Variants in ARID1B observed in about 807,000 individuals in gnomAD.
ARID1B encodes the protein AT-rich interactive domain-containing protein 1B.
ARID1B carries 30 observed loss-of-function variants against 212.3 expected under a neutral mutation model. The observed-to-expected ratio is 0.14, with a 90% CI of 0.11 to 0.19. The LOEUF (loss-of-function observed/expected upper bound fraction) is 0.19. Ranked by LOEUF, ARID1B falls within the 10% of genes least tolerant of loss-of-function variation. The pLI is 1.00. For synonymous variants in ARID1B, 1,402 were observed against 1,301.7 expected, an observed-to-expected ratio of 1.08 and a Z score of -1.66; for missense variants, 2,891 against 3,204.0, an observed-to-expected ratio of 0.90 and a Z score of 2.36.
intron 2 of ARID1B, among the ~76,000 whole-genome samples, chr6:156,897,035 A>G (rs1186376834): frequency 6.6e-6 from 1 of 152,196 alleles, no homozygotes; most frequent in Non-Finnish European, 1.5e-5. Context: ...GAAATGTGAA[A>G]GGTAGTACTT....
intron 13 of ARID1B, among the ~76,000 whole-genome samples, chr6:157,187,642 T>C (rs143892835): frequency 5.9e-5 from 9 of 152,196 alleles, no homozygotes; most frequent in Admixed American, 2.0e-4. Context: ...TTGTTTACTT[T>C]AGAGTATACA....
chr6:156,937,525 CAG>C (rs1446727452), intron 4 of ARID1B: 3 of 152,202 alleles, frequency 2.0e-5, no homozygotes, highest in African/African-American at 7.2e-5. Flanking sequence ...TCAGAAACTT[CAG>C]CATCACTCAC....
chr6:156,835,959 C>T (rs1280941356), intron 2 of ARID1B, among the ~76,000 whole-genome samples: 10 of 151,870 alleles, frequency 6.6e-5, no homozygotes, highest in Non-Finnish European at 1.5e-4. Context: ...AGGTTGGTCT[C>T]GAACAAGTGT....
chr6:157,008,089 T>C (rs1379327258), intron 4 of ARID1B, among the ~76,000 whole-genome samples: 4 of 152,206 alleles, frequency 2.6e-5, no homozygotes, highest in Non-Finnish European at 5.9e-5. Context: ...GATTTGTTTT[T>C]CCTTTTCTTA....
chr6:157,151,862 T>C (rs1359883130), intron 8 of ARID1B: 2 of 152,264 alleles, frequency 1.3e-5, no homozygotes, highest in South Asian at 2.1e-4. Flanking sequence ...ACAGAGCTTT[T>C]TAGTAGTTTT....
intron 4 of ARID1B, chr6:156,939,441 C>A (rs1792499091): frequency 6.6e-6 from 1 of 152,068 alleles, no homozygotes; most frequent in Non-Finnish European, 1.5e-5. Flanking sequence ...TATAGTTATC[C>A]TGAACATTGT....
At chr6:156,910,618 G>A (rs1299148109) in intron 3 of ARID1B, among the ~76,000 whole-genome samples, 1 of 152,086 alleles carries the variant, frequency 6.6e-6, no homozygotes, top group Non-Finnish European at 1.5e-5. Context: ...TGGCAAGTCT[G>A]GGATTCATTT....
chr6:157,206,592 G>T lies in ARID1B; in HGVS notation c.5820G>T (p.Leu1940=), dbSNP rs1794471228. 1 of 1,614,050 alleles carries T rather than the reference G, an allele frequency of 6.2e-7. No homozygotes were observed. The highest frequency in any genetic ancestry group is 1.7e-5 in the Admixed American group (1 of 60,008). The change falls in exon 20 of 20, where the codon CTG becomes CTT. Residue 1940 remains leucine (L), a synonymous_variant. Coordinates refer to ENST00000636930, the MANE Select transcript of ARID1B (RefSeq NM_001374828.1). This position sits in a 1 kb window ranked among gnomAD's most constrained non-coding sequence, Gnocchi z 6.8. ...TGCAGGAGTTCAATAGTGGCCTTCT[G>T]CACTGGCAGCTCGGCGGGGGTGACA... is the stretch of plus-strand genomic sequence containing the variant. ...GRVQEFNSGL[L]HWQLGGGDTT... is the part of the protein sequence containing the mutation.
intron 4 of ARID1B, among the ~76,000 whole-genome samples, chr6:156,991,069 TCCTC>T (rs1358038256): frequency 6.6e-6 from 1 of 152,186 alleles, no homozygotes; most frequent in Non-Finnish European, 1.5e-5. Flanking sequence ...TAGTTCTACT[TCCTC>T]ATGAGGCTCT....
At chr6:157,184,650 A>G in intron 13 of ARID1B, 1 of 614,558 alleles carries the variant, frequency 1.6e-6, no homozygotes, top group Non-Finnish European at 2.9e-6. Context: ...TCTGGTTGAC[A>G]CTTGGAAGGC....
chr6:156,859,947 TGAGA>T lies in ARID1B; in HGVS notation c.1986+30539_1986+30542del, dbSNP rs150976755. On this transcript the variant is annotated intron_variant, in intron 2 of 19. Transcript: ENST00000636930. ...CAACCATTTGGTCTTGTCCTTATTT[TGAGA>T]GAGAGAGAGAGATTAATTTTAAGAG... is the stretch of plus-strand genomic sequence containing the variant. Among the ~76,000 whole-genome samples the T allele has an allele frequency of 2.0e-5, 3 of 151,604 alleles. No homozygotes were observed. In the East Asian group the frequency reaches 5.8e-4, roughly 29 times the overall value.
At chr6:157,087,574 T>G (rs1374174325) in intron 5 of ARID1B, among the ~76,000 whole-genome samples, 1 of 152,234 alleles carries the variant, frequency 6.6e-6, no homozygotes, top group African/African-American at 2.4e-5. Flanking sequence ...ATTATGGATA[T>G]TATTCAAACT....
intron 5 of ARID1B, among the ~76,000 whole-genome samples, chr6:157,091,463 A>G (rs1346147735): frequency 6.6e-6 from 1 of 152,154 alleles, no homozygotes. Context: ...TGGTCAAAAA[A>G]CTAATTTTCT....
chr6:156,816,345 G>A (rs1388248455), intron 1 of ARID1B, among the ~76,000 whole-genome samples: 1 of 152,226 alleles, frequency 6.6e-6, no homozygotes. Flanking sequence ...GGATGGCTTG[G>A]AGAGAGGTAA....
chr6:157,116,185 T>C (rs1324799278), intron 6 of ARID1B, among the ~76,000 whole-genome samples: 1 of 152,196 alleles, frequency 6.6e-6, no homozygotes, highest in Non-Finnish European at 1.5e-5. Flanking sequence ...ATAATAATTA[T>C]TAACATTAAA....
intron 3 of ARID1B, among the ~76,000 whole-genome samples, chr6:156,929,738 T>C (rs931072441): frequency 6.6e-6 from 1 of 152,164 alleles, no homozygotes; most frequent in Non-Finnish European, 1.5e-5. Flanking sequence ...ATGGAGGCTC[T>C]GTTGCATTTT....
At chr6:156,923,036 G>A (rs949858122) in intron 3 of ARID1B, among the ~76,000 whole-genome samples, 2 of 152,188 alleles carry the variant, frequency 1.3e-5, no homozygotes, top group African/African-American at 4.8e-5. Context: ...CCAGTGCAGG[G>A]CCATGTCATT....
intron 2 of ARID1B, among the ~76,000 whole-genome samples, chr6:156,880,157 C>T (rs543050897): frequency 6.6e-6 from 1 of 152,120 alleles, no homozygotes; most frequent in East Asian, 1.9e-4. Context: ...GAGAGGGAGA[C>T]ATCTTAGTGT....
At chr6:156,858,081 G>A (rs1340344367) in intron 2 of ARID1B, among the ~76,000 whole-genome samples, 1 of 152,148 alleles carries the variant, frequency 6.6e-6, no homozygotes, top group Non-Finnish European at 1.5e-5. Context: ...GAACAACGTG[G>A]ATGAAACTGG....
Sources: gnomAD v4.1 joint callset for allele counts (sites outside exome capture counted in the v4.1 genomes callset) on GRCh38, gnomAD v4.1.1 for gene constraint, Gnocchi (gnomAD v3.1) non-coding constraint, MANE v1.5 for transcripts, NCBI Gene and HGNC (gene_info 2026-07-23, HGNC 2026-07-21) for gene names.